TRIM63: variants seen among roughly 807,000 people sequenced by gnomAD.
TRIM63 encodes tripartite motif containing 63.
TRIM63 carries 48 observed loss-of-function variants against 46.0 expected under a neutral mutation model. That is an observed-to-expected ratio of 1.04 (90% CI 0.83 to 1.33). TRIM63 has a LOEUF of 1.33. Among genes scored for constraint, TRIM63 ranks in the 40% most tolerant of loss-of-function variants. The pLI is 0.00. For missense variants in TRIM63, 455 were observed against 441.2 expected, an observed-to-expected ratio of 1.03 and a Z score of -0.28; for synonymous variants, 175 against 162.8, an observed-to-expected ratio of 1.08 and a Z score of -0.57.
At chr1:26,059,580 G>C (rs943019878) in intron 4 of TRIM63, among the ~76,000 whole-genome samples, 1 of 152,076 alleles carries the variant, frequency 6.6e-6, no homozygotes, top group Non-Finnish European at 1.5e-5. Context: ...TCATCAGACC[G>C]GGAGCCTCTC....
chr1:26,056,675 A>G (rs2050573061), intron 7 of TRIM63, among the ~76,000 whole-genome samples: 1 of 151,994 alleles, frequency 6.6e-6, no homozygotes, highest in Non-Finnish European at 1.5e-5. Context: ...CCTGCCATGG[A>G]TCCATATGTA....
intron 8 of TRIM63, among the ~76,000 whole-genome samples, chr1:26,053,466 C>A (rs1199560290): frequency 6.6e-6 from 1 of 152,190 alleles, no homozygotes; most frequent in African/African-American, 2.4e-5. Context: ...GTTGGCCAGG[C>A]TGGCCTTGGC....
At chr1:26,060,672 C>T (rs1164201929) in intron 3 of TRIM63, among the ~76,000 whole-genome samples, 6 of 152,142 alleles carry the variant, frequency 3.9e-5, no homozygotes, top group South Asian at 2.1e-4. Flanking sequence ...GAGTTGGAGA[C>T]GTCTAGAAGA....
intron 6 of TRIM63, 81 bp downstream of exon 6, chr1:26,057,547 A>G: frequency 6.6e-7 from 1 of 1,511,470 alleles, no homozygotes; most frequent in Non-Finnish European, 9.0e-7. Context: ...CAGCAGGCCT[A>G]ATGCCCAGGA....
At chr1:26,059,020 G>T (rs2050598459) in intron 4 of TRIM63, among the ~76,000 whole-genome samples, 1 of 119,876 alleles carries the variant, frequency 8.3e-6, no homozygotes, top group Non-Finnish European at 1.7e-5. Context: ...TTTCTCTGTT[G>T]CCCTTTTTTT....
chr1:26,060,266 C>G lies in TRIM63; in HGVS notation c.597G>C (p.Lys199Asn). 1 of 1,613,594 alleles carries G rather than the reference C, an allele frequency of 6.2e-7. No homozygotes were observed. The highest frequency in any genetic ancestry group is 1.1e-5 in the South Asian group (1 of 91,062). Residue 199 changes from lysine to asparagine, a missense_variant and splice_region_variant, in exon 4 of 9, where the codon AAG becomes AAC. Lys to Asn is a moderately conservative substitution (Grantham distance 94, BLOSUM62 0). Coordinates refer to ENST00000374272, the MANE Select transcript of TRIM63 (RefSeq NM_032588.4). ...TQLEDSRRVT[K>N]ENSHQVKEEL... ...AGGCAGGACTATTCTGTCCGCTCAC[C>G]TTGGTCACTCGACGGGAATCCTCCA...
intron 5 of TRIM63, among the ~76,000 whole-genome samples, chr1:26,058,032 C>T (rs1264174710): frequency 6.6e-6 from 1 of 152,194 alleles, no homozygotes; most frequent in Admixed American, 6.5e-5. Context: ...ATAACTGAGC[C>T]TTTTCTGTCC....
At chr1:26,061,466 G>T in intron 2 of TRIM63, 132 bp from the exon 3 acceptor site, 1 of 931,806 alleles carries the variant, frequency 1.1e-6, no homozygotes, top group Non-Finnish European at 1.6e-6. Flanking sequence ...ATTCGAGGCT[G>T]CAGTGTGTCT....
chr1:26,067,564 G>T lies in TRIM63; in HGVS notation c.-70C>A. On this transcript the variant is annotated 5_prime_UTR_variant, in exon 1 of 9. Transcript: ENST00000374272. Reference sequence around the variant, plus strand: ...AACTTTGCTCTAAGTAGACCTGGGGGTCTTGCCTTTGTCACAAAACACCGG... The same window carrying T: ...AACTTTGCTCTAAGTAGACCTGGGGTTCTTGCCTTTGTCACAAAACACCGG... 6.5e-7 allele frequency: 1 copy of T among 1,550,108 alleles called. No homozygotes were observed. Among genetic ancestry groups the T allele is most frequent in the Non-Finnish European group, 8.7e-7 (1 of 1,145,314 alleles).
chr1:26,052,177 G>A (rs373437181), intron 8 of TRIM63, among the ~76,000 whole-genome samples: 8 of 152,300 alleles, frequency 5.3e-5, no homozygotes, highest in South Asian at 2.1e-4. Flanking sequence ...ATTAGCAAAC[G>A]TCCTTCCTAT....
intron 7 of TRIM63, 130 bp downstream of exon 7, chr1:26,057,073 T>C: frequency 8.2e-7 from 1 of 1,224,960 alleles, no homozygotes; most frequent in Non-Finnish European, 1.1e-6. Flanking sequence ...AGAAGTTGGC[T>C]ATATGAGTTT....
chr1:26,066,500 A>C, intron 1 of TRIM63, 60 bp from the exon 2 acceptor site: 1 of 1,432,966 alleles, frequency 7.0e-7, no homozygotes, highest in Non-Finnish European at 9.2e-7. Context: ...TCTCTTTTCT[A>C]ATCTCCTCTT....
intron 6 of TRIM63, 131 bp from the exon 7 acceptor site, chr1:26,057,458 C>T (rs2050583565): frequency 1.4e-6 from 2 of 1,423,268 alleles, no homozygotes; most frequent in Non-Finnish European, 1.9e-6. Flanking sequence ...TATTTCCTCT[C>T]CAACCTCAAG....
chr1:26,058,410 C>G lies in TRIM63; in HGVS notation c.811G>C (p.Gly271Arg), dbSNP rs773464919. Residue 271 changes from glycine (G) to arginine (R), a missense_variant, in exon 5 of 9, where the codon GGG becomes CGG. By Grantham distance (125) the Gly-to-Arg change is moderately radical. Coordinates refer to ENST00000374272, the MANE Select transcript of TRIM63 (RefSeq NM_032588.4). The part of the protein sequence containing the change: ...ETAIQSLDEP[G>R]GATFLLTAKQ... ...CTCACCAAGAGGAAGGTGGCTCCCC[C>G]AGGCTCGTCCAGGGACTGGATGGCA... 3 of 1,614,130 alleles carry G rather than the reference C, an allele frequency of 1.9e-6. No individual in the cohort carries two copies. Among genetic ancestry groups the G allele is most frequent in the Admixed American group, 1.7e-5 (1 of 60,020 alleles).
At chr1:26,054,164 C>G (rs1432148359) in intron 7 of TRIM63, among the ~76,000 whole-genome samples, 200 bp from the exon 8 acceptor site, 3 of 152,238 alleles carry the variant, frequency 2.0e-5, no homozygotes, top group Non-Finnish European at 2.9e-5. Flanking sequence ...CCTGCAATCC[C>G]CCGCACTCCG....
At chr1:26,054,699 G>T (rs751491849) in intron 7 of TRIM63, among the ~76,000 whole-genome samples, 1 of 152,120 alleles carries the variant, frequency 6.6e-6, no homozygotes, top group African/African-American at 2.4e-5. Flanking sequence ...AGGCTTGGTC[G>T]CTCACACCTG....
At chr1:26,067,028 G>C (rs2050684701) in intron 1 of TRIM63, among the ~76,000 whole-genome samples, 2 of 151,992 alleles carry the variant, frequency 1.3e-5, no homozygotes, top group Non-Finnish European at 2.9e-5. Flanking sequence ...TCTCTCTCCT[G>C]TCCCTGCCTA....
chr1:26,066,562 G>T, intron 1 of TRIM63, 122 bp from the exon 2 acceptor site: 2 of 883,332 alleles, frequency 2.3e-6, no homozygotes, highest in Non-Finnish European at 1.7e-6. Flanking sequence ...ACAACCTGGA[G>T]CTCTGCAGAC....
At chr1:26,063,672 A>C (rs1419587789) in intron 2 of TRIM63, among the ~76,000 whole-genome samples, 2 of 152,144 alleles carry the variant, frequency 1.3e-5, no homozygotes, top group Non-Finnish European at 2.9e-5. Flanking sequence ...TCTTACATTC[A>C]TTTTTGTGAT....
Sources: gnomAD v4.1 joint callset for allele counts (sites outside exome capture counted in the v4.1 genomes callset) on GRCh38, gnomAD v4.1.1 for gene constraint, MANE v1.5 for transcripts, NCBI Gene and HGNC (gene_info 2026-07-23, HGNC 2026-07-21) for gene names.